The following FMNL2 variants were observed in gnomAD, a reference collection of about 807,000 sequenced individuals.
FMNL2 encodes formin-like protein 2.
A neutral mutation model predicts 130.2 loss-of-function variants in FMNL2; 51 were observed. The observed-to-expected ratio is 0.39, with a 90% CI of 0.31 to 0.49. The LOEUF is 0.49. Among genes scored for constraint, FMNL2 ranks in the 20% least tolerant of loss-of-function variants. The pLI is 0.85. For missense variants in FMNL2, 977 were observed against 1,316.2 expected (o/e 0.74, Z 3.99); for synonymous variants, 465 against 467.1 (o/e 1.00, Z 0.06).
intron 1 of FMNL2, among the ~76,000 whole-genome samples, chr2:152,369,571 G>C (rs1000747162): frequency 6.6e-6 from 1 of 152,218 alleles, no homozygotes; most frequent in Non-Finnish European, 1.5e-5. Context: ...TGAATGAAGA[G>C]GGTAGAGGTT....
chr2:152,437,750 G>A lies in FMNL2; in HGVS notation c.118-84193G>A, dbSNP rs969080209. ...CCAGATTCAAACAACAGAAACAAAAGTGACACAGTAGTCCCCCTCTTGGGC... is the reference window on the plus strand; with the variant it reads ...CCAGATTCAAACAACAGAAACAAAAATGACACAGTAGTCCCCCTCTTGGGC... On this transcript the variant is annotated intron_variant, in intron 1 of 25. Transcript: ENST00000288670. Among the ~76,000 whole-genome samples the A allele has an allele frequency of 2.6e-5, 4 of 152,292 alleles. No individual in the cohort carries two copies. The East Asian group carries it at 7.7e-4, about 29-fold the overall frequency.
chr2:152,351,901 T>C (rs4664102), intron 1 of FMNL2, among the ~76,000 whole-genome samples: 103,473 of 152,094 alleles, frequency 0.68, 36,866 homozygotes, highest in Admixed American at 0.81. Context: ...CTAACTGGCA[T>C]GAGGTGGTAT....
chr2:152,472,137 C>G (rs1689894092), intron 1 of FMNL2, among the ~76,000 whole-genome samples: 1 of 152,162 alleles, frequency 6.6e-6, no homozygotes, highest in Non-Finnish European at 1.5e-5. Context: ...TTAATATAGT[C>G]TTTCTACATT....
intron 1 of FMNL2, among the ~76,000 whole-genome samples, chr2:152,418,700 T>C (rs1220117303): frequency 1.3e-5 from 2 of 152,238 alleles, no homozygotes; most frequent in East Asian, 3.8e-4. Context: ...TGTTTATCTA[T>C]GCATCTATTG....
rs1681702769 is a variant in FMNL2, at chr2:152,625,272, G to A, written c.1838-166G>A. ...CAAATGATGACCTCAAATGGCTCTG[G>A]CCAAGGCCATGTGTGTTGTTTTCCA... On this transcript the variant is annotated intron_variant, in intron 15 of 25. Transcript: ENST00000288670. 3 of 702,064 alleles carry A rather than the reference G, an allele frequency of 4.3e-6. No individual in the cohort carries two copies. In the East Asian group the frequency reaches 8.2e-5, roughly 19 times the overall value. 43.5% of individuals were successfully genotyped at this position (702,064 alleles called of 1,614,324 possible).
At chr2:152,588,022 G>C (rs1697182639) in intron 9 of FMNL2, among the ~76,000 whole-genome samples, 1 of 152,184 alleles carries the variant, frequency 6.6e-6, no homozygotes, top group Non-Finnish European at 1.5e-5. Context: ...TATAGGAGAG[G>C]GTGCCTGAAC....
chr2:152,503,348 C>T (rs1446660033), intron 1 of FMNL2, among the ~76,000 whole-genome samples: 1 of 152,104 alleles, frequency 6.6e-6, no homozygotes, highest in Non-Finnish European at 1.5e-5. Context: ...TAAAGTGATC[C>T]TGACCTATTA....
At chr2:152,590,028 CATATACAT>C (rs1697342176) in intron 9 of FMNL2, among the ~76,000 whole-genome samples, 1 of 83,176 alleles carries the variant, frequency 1.2e-5, no homozygotes, top group African/African-American at 4.2e-5. Context: ...TATATATATA[CATATACAT>C]ACATATACAT....
chr2:152,355,975 G>A (rs1405761301), intron 1 of FMNL2, among the ~76,000 whole-genome samples: 1 of 152,124 alleles, frequency 6.6e-6, no homozygotes, highest in Non-Finnish European at 1.5e-5. Flanking sequence ...AAATTACCCC[G>A]AATTGGCACA....
At chr2:152,402,654 T>C (rs879266016) in intron 1 of FMNL2, among the ~76,000 whole-genome samples, 9 of 152,212 alleles carry the variant, frequency 5.9e-5, no homozygotes, top group Admixed American at 1.3e-4. Flanking sequence ...GCTCTCTCAT[T>C]CCTTCCTCTT....
chr2:152,632,331 T>G (rs1040601780), intron 21 of FMNL2, among the ~76,000 whole-genome samples, 194 bp downstream of exon 21: 2 of 152,196 alleles, frequency 1.3e-5, no homozygotes. Flanking sequence ...GGTGTAAAGG[T>G]GATCTCTGTG....
chr2:152,363,499 T>C lies in FMNL2; in HGVS notation c.117+27779T>C, dbSNP rs150573090. On this transcript the variant is annotated intron_variant, in intron 1 of 25. Transcript: ENST00000288670. ...TTCTCGTTTCTCAGTGTTTCTGAAG[T>C]GCTTTGTAGAATAATCGGATTTTGG... 2.1e-3 allele frequency among the ~76,000 whole-genome samples: 324 copies of C among 152,300 alleles called. 3 individuals carry two copies. The highest frequency in any genetic ancestry group is 6.4e-3 in the East Asian group (33 of 5,184).
intron 21 of FMNL2, among the ~76,000 whole-genome samples, chr2:152,633,014 AAAG>A (rs2105939047): frequency 6.6e-6 from 1 of 152,214 alleles, no homozygotes; most frequent in East Asian, 1.9e-4. Flanking sequence ...TGTTCTCACT[AAAG>A]AACACTCTGG....
intron 15 of FMNL2, chr2:152,621,081 A>G (rs1445364340): frequency 1.0e-6 from 1 of 985,278 alleles, no homozygotes; most frequent in Non-Finnish European, 1.2e-6. Flanking sequence ...GTGTTCCATC[A>G]CCAGGCTGTT....
intron 1 of FMNL2, among the ~76,000 whole-genome samples, chr2:152,397,583 CAG>C (rs1416552420): frequency 6.6e-6 from 1 of 152,162 alleles, no homozygotes; most frequent in East Asian, 1.9e-4. Context: ...CTGGCTAAGA[CAG>C]GTGGCTTGGA....
intron 1 of FMNL2, among the ~76,000 whole-genome samples, chr2:152,383,650 A>T (rs886863337): frequency 6.6e-6 from 1 of 152,212 alleles, no homozygotes; most frequent in African/African-American, 2.4e-5. Context: ...TACTGTTATT[A>T]TATATCCAGA....
At chr2:152,362,994 A>G (rs1237212467) in intron 1 of FMNL2, among the ~76,000 whole-genome samples, 1 of 152,202 alleles carries the variant, frequency 6.6e-6, no homozygotes. Flanking sequence ...AAAACTATAT[A>G]GAGGGAAAGT....
intron 1 of FMNL2, among the ~76,000 whole-genome samples, chr2:152,518,592 G>C (rs1247291655): frequency 6.6e-6 from 1 of 152,026 alleles, no homozygotes; most frequent in Non-Finnish European, 1.5e-5. Flanking sequence ...GATTTATTTT[G>C]CCTTTTGTTA....
chr2:152,456,035 A>G (rs1240081557), intron 1 of FMNL2, among the ~76,000 whole-genome samples: 2 of 152,158 alleles, frequency 1.3e-5, no homozygotes, highest in Admixed American at 1.3e-4. Flanking sequence ...TCTTCATTGG[A>G]TGATGCCCAC....
Sources: allele counts gnomAD v4.1 joint callset (sites outside exome capture counted in the v4.1 genomes callset), GRCh38; gene constraint gnomAD v4.1.1; transcripts MANE v1.5; gene names NCBI Gene and HGNC (gene_info 2026-07-23, HGNC 2026-07-21).